Variants in ADAT1 observed in about 807,000 individuals in gnomAD.
ADAT1 encodes adenosine deaminase tRNA specific 1.
In ADAT1, 58 loss-of-function variants were observed where a neutral mutation model predicts 58.6. The observed-to-expected ratio is 0.99, with a 90% confidence interval of 0.80 to 1.23. The LOEUF (loss-of-function observed/expected upper bound fraction) is 1.23. Among genes scored for constraint, ADAT1 ranks in the 50% most tolerant of loss-of-function variants. The pLI is 0.00. For missense variants in ADAT1, 741 were observed against 608.6 expected (o/e 1.22, Z -2.29); for synonymous variants, 254 against 220.8 (o/e 1.15, Z -1.33).
chr16:75,608,925 T>A lies in ADAT1; in HGVS notation c.1107A>T (p.Ser369=), dbSNP rs570450391. Residue 369 remains serine, a synonymous_variant, in exon 7 of 10, where the codon TCA becomes TCT. Coordinates refer to ENST00000564657, the MANE Select transcript of ADAT1 (RefSeq NM_001324445.2). ...TGCGGCTCTGTTCAAATAGTAAATCTGACTGCAGTATTTTTAATTCTTGAA... is the reference window on the plus strand; with the variant it reads ...TGCGGCTCTGTTCAAATAGTAAATCAGACTGCAGTATTTTTAATTCTTGAA... ...FGVQELKILQ[S]DLLFEQSRSA... is the part of the protein sequence containing the mutation. 6.2e-7 allele frequency: 1 copy of A among 1,614,244 alleles called. No individual in the cohort carries two copies. Among genetic ancestry groups the A allele is most frequent in the South Asian group, 1.1e-5 (1 of 91,084 alleles).
rs2081121629 is a variant in ADAT1, at chr16:75,598,175, TGA to T, written c.*2039_*2040del. ...CACTGCAACCTCCACCTCCTGGGTT[TGA>T]GAGATTCTTCTGCCTCAGCCTCCTG... On this transcript the variant is annotated 3_prime_UTR_variant, in exon 10 of 10. Coordinates refer to ENST00000564657, the MANE Select transcript of ADAT1 (RefSeq NM_001324445.2). The T allele has an allele frequency of 4.2e-6, 1 of 235,784 alleles. No homozygotes were observed. The allele number at this position is 235,784 out of a possible 1,614,324, so 14.6% of individuals were successfully genotyped here.
rs774853762 is a variant in ADAT1 at position 75,620,757 on chromosome 16, AGTG to A, written c.40_42del (p.His14del). 1 of 1,614,192 alleles carries A rather than the reference AGTG, an allele frequency of 6.2e-7. No individual in the cohort carries two copies. Among genetic ancestry groups the A allele is most frequent in the Non-Finnish European group, 8.5e-7 (1 of 1,180,030 alleles). ...CCCTTCTTGGGCAGCCTGATCCCAT[AGTG>A]TTCATAGCATAGCTGAGCAATCTCA... On this transcript the variant is annotated inframe_deletion, in exon 2 of 10. Transcript: ENST00000564657.
At chr16:75,605,035 T>C (rs1291089585) in intron 8 of ADAT1, among the ~76,000 whole-genome samples, 1 of 152,200 alleles carries the variant, frequency 6.6e-6, no homozygotes, top group Non-Finnish European at 1.5e-5. Context: ...AAGACCTTTA[T>C]GATGATCCAC....
intron 3 of ADAT1, among the ~76,000 whole-genome samples, 190 bp downstream of exon 3, chr16:75,620,076 T>C (rs756404142): frequency 1.1e-4 from 16 of 152,124 alleles, no homozygotes; most frequent in Non-Finnish European, 2.4e-4. Context: ...AGCATGTTCC[T>C]AGAGGCCTCC....
Position 75,603,123 on chromosome 16 carries a change from T to C in ADAT1, c.1338A>G (p.Leu446=), listed in dbSNP as rs753455756. 2.5e-6 allele frequency: 4 copies of C among 1,614,146 alleles called. No individual in the cohort carries two copies. In the Admixed American group the frequency reaches 6.7e-5, roughly 27 times the overall value. ...GCCACTTGTCCCTTGCAATTCTGCT[T>C]AGCAGCTTCTGGAATGATCTGAAGA... ...VELFRSFQKL[L]SRIARDKWPH... The change falls in exon 9 of 10, where the codon CTA becomes CTG. Residue 446 remains leucine, a synonymous_variant. Coordinates refer to ENST00000564657, the MANE Select transcript of ADAT1 (RefSeq NM_001324445.2).
intron 5 of ADAT1, 143 bp from the exon 6 acceptor site, chr16:75,613,004 G>C: frequency 2.0e-6 from 2 of 1,002,868 alleles, no homozygotes; most frequent in South Asian, 1.8e-5. Flanking sequence ...TCCGGAGGCA[G>C]AGCCCAGCAG....
intron 5 of ADAT1, among the ~76,000 whole-genome samples, chr16:75,613,699 T>A (rs1197700330): frequency 2.0e-5 from 3 of 152,184 alleles, no homozygotes; most frequent in Non-Finnish European, 4.4e-5. Context: ...GGTCTCTACC[T>A]ACTAAATGCC....
Position 75,612,241 on chromosome 16 carries a change from A to T in ADAT1, c.1043+2T>A. The T allele has an allele frequency of 2.5e-6, 4 of 1,612,602 alleles. No individual in the cohort carries two copies. The East Asian group carries it at 8.9e-5, about 36-fold the overall frequency. ...CCAATTGAGCCCTCCCTACCCTCTC[A>T]CCTTCCAATCAGTGCTCTCTGCATG... On this transcript the variant is annotated splice_donor_variant, in intron 6 of 9. Coordinates refer to ENST00000564657, the MANE Select transcript of ADAT1 (RefSeq NM_001324445.2). LOFTEE classifies it high-confidence loss of function.
intron 1 of ADAT1, among the ~76,000 whole-genome samples, chr16:75,621,916 G>A (rs1174477310): frequency 1.3e-5 from 2 of 152,184 alleles, no homozygotes; most frequent in Admixed American, 6.5e-5. Context: ...TGAAGGCCGG[G>A]CGCGGTGGCT....
chr16:75,617,107 A>G, intron 5 of ADAT1, 35 bp downstream of exon 5: 3 of 1,584,040 alleles, frequency 1.9e-6, no homozygotes, highest in Non-Finnish European at 2.6e-6. Flanking sequence ...GAAGTAGTTC[A>G]TGTAACATTA....
At chr16:75,600,606 G>C (rs77746123) in intron 9 of ADAT1, among the ~76,000 whole-genome samples, 1,987 of 152,268 alleles carry the variant, frequency 0.013, 53 homozygotes, top group African/African-American at 0.044. Context: ...CTGCAAGCCT[G>C]GCTGCTAAAA....
chr16:75,618,783 T>C (rs1453861884), intron 3 of ADAT1, 143 bp from the exon 4 acceptor site: 5 of 878,398 alleles, frequency 5.7e-6, no homozygotes, highest in East Asian at 5.2e-5. Flanking sequence ...ACCACAATCA[T>C]GAATAACAAT....
Position 75,612,557 on chromosome 16 carries a change from G to A in ADAT1, c.729C>T (p.Val243=). The part of the protein sequence containing the change: ...CDLTVEGLAT[V]TRIAPGSAKV... ...TGGCACTACCAGGGGCTATTCTGGT[G>A]ACAGTAGCCAGTCCCTCTACAGTGA... The change falls in exon 6 of 10, where the codon GTC becomes GTT. Residue 243 remains valine (V), a synonymous_variant. Transcript: ENST00000564657. 3 of 1,614,124 alleles carry A rather than the reference G, an allele frequency of 1.9e-6. No homozygotes were observed. The highest frequency in any genetic ancestry group is 2.5e-6 in the Non-Finnish European group (3 of 1,180,030).
chr16:75,605,518 G>C (rs1336454801), intron 8 of ADAT1, among the ~76,000 whole-genome samples: 1 of 152,060 alleles, frequency 6.6e-6, no homozygotes, highest in Non-Finnish European at 1.5e-5. Flanking sequence ...TCAACAATAG[G>C]CTTGATGTTT....
intron 8 of ADAT1, 23 bp from the exon 9 acceptor site, chr16:75,603,194 G>C (rs748701650): frequency 1.3e-6 from 2 of 1,595,596 alleles, no homozygotes; most frequent in South Asian, 2.2e-5. Context: ...AGAAGGCAAA[G>C]ATGATTTATT....
chr16:75,612,256 C>CA lies in ADAT1; in HGVS notation c.1029_1030insT (p.Ala344CysfsTer31). On this transcript the variant is annotated frameshift_variant, in exon 6 of 10. Coordinates refer to ENST00000564657, the MANE Select transcript of ADAT1 (RefSeq NM_001324445.2). LOFTEE classifies it high-confidence loss of function. ...CTACCCTCTCACCTTCCAATCAGTG[C>CA]TCTCTGCATGGCTTCCTGGCTGTAT... 6.2e-7 allele frequency: 1 copy of CA among 1,613,786 alleles called. No homozygotes were observed. The highest frequency in any genetic ancestry group is 1.3e-5 in the African/African-American group (1 of 74,924).
intron 9 of ADAT1, among the ~76,000 whole-genome samples, chr16:75,601,394 G>A (rs1306653395): frequency 6.6e-6 from 1 of 150,578 alleles, no homozygotes; most frequent in Non-Finnish European, 1.5e-5. Context: ...CTACAAACCA[G>A]GCTCTTGGTC....
Position 75,600,219 on chromosome 16 carries a change from C to CTTGAACTG in ADAT1, c.1498_1505dup (p.Lys502AsnfsTer34). Reference sequence around the variant, plus strand: ...TACCAGAGCAAACATTTCCTTCTCACTTGAACTGGTGATAATCCGGTGGGT... The same window carrying CTTGAACTG: ...TACCAGAGCAAACATTTCCTTCTCACTTGAACTGTTGAACTGGTGATAATCCGGTGGGT... On this transcript the variant is annotated frameshift_variant, in exon 10 of 10. Transcript: ENST00000564657. LOFTEE classifies it high-confidence loss of function. 1 of 1,614,194 alleles carries CTTGAACTG rather than the reference C, an allele frequency of 6.2e-7. No homozygotes were observed. Among genetic ancestry groups the CTTGAACTG allele is most frequent in the Non-Finnish European group, 8.5e-7 (1 of 1,180,008 alleles).
chr16:75,607,839 C>T (rs1456248736), intron 8 of ADAT1, among the ~76,000 whole-genome samples: 4 of 152,188 alleles, frequency 2.6e-5, no homozygotes, highest in Non-Finnish European at 4.4e-5. Context: ...ACAACCCAAA[C>T]GTCCATTCAT....
Sources: gnomAD v4.1 joint callset for allele counts (sites outside exome capture counted in the v4.1 genomes callset) on GRCh38, gnomAD v4.1.1 for gene constraint, MANE v1.5 for transcripts, NCBI Gene and HGNC (gene_info 2026-07-23, HGNC 2026-07-21) for gene names.